The following NCALD variants were observed in gnomAD, a reference collection of about 807,000 sequenced individuals.
NCALD encodes the protein neurocalcin delta, also known as neurocalcin-delta.
Under a neutral mutation model 18.6 loss-of-function variants are expected in NCALD, and 10 were observed. The observed-to-expected ratio is 0.54, with a 90% confidence interval of 0.33 to 0.91. NCALD has a LOEUF of 0.91. NCALD is among the 40% of genes least tolerant of loss of function. NCALD has a pLI of 0.03. For synonymous variants in NCALD, 88 were observed against 87.4 expected, an observed-to-expected ratio of 1.01 and a Z score of -0.04; for missense variants, 184 against 247.6, an observed-to-expected ratio of 0.74 and a Z score of 1.72.
chr8:101,797,772 T>C (rs1249679665), intron 4 of NCALD, among the ~76,000 whole-genome samples: 2 of 151,290 alleles, frequency 1.3e-5, no homozygotes, highest in East Asian at 1.9e-4. Context: ...GCCGAGATCA[T>C]GCCACTGCAC....
At chr8:101,820,272 C>T (rs1813667111) in intron 4 of NCALD, among the ~76,000 whole-genome samples, 1 of 152,182 alleles carries the variant, frequency 6.6e-6, no homozygotes, top group African/African-American at 2.4e-5. Context: ...AAACCAGGGA[C>T]TTTGCCTATT....
intron 3 of NCALD, among the ~76,000 whole-genome samples, chr8:101,894,639 G>T (rs1320054280): frequency 6.7e-6 from 1 of 148,564 alleles, no homozygotes; most frequent in Non-Finnish European, 1.5e-5. Flanking sequence ...GAAAAAAAGA[G>T]AGAAGAATCA....
At chr8:101,915,725 A>T (rs1006391368) in intron 3 of NCALD, 2 of 152,174 alleles carry the variant, frequency 1.3e-5, no homozygotes, top group African/African-American at 4.8e-5. Context: ...AAACATTTGA[A>T]CAGAACTGTC....
rs760982571 is a variant in NCALD, at chr8:101,719,454, C to T, written c.176G>A (p.Gly59Glu). ...KKIYGNFFPY[G>E]DASKFAEHVF... is the part of the protein sequence containing the mutation. ...ATGCTCTGCAAATTTGGAAGCATCCCCATAAGGGAAAAAGTTCCCATATAT... is the reference window on the plus strand; with the variant it reads ...ATGCTCTGCAAATTTGGAAGCATCCTCATAAGGGAAAAAGTTCCCATATAT... The change falls in exon 2 of 4, where the codon GGG becomes GAG. Residue 59 changes from glycine (G) to glutamate (E), a missense_variant. By Grantham distance (98) the Gly-to-Glu change is moderately conservative. Transcript: ENST00000220931. 4 of 1,614,174 alleles carry T rather than the reference C, an allele frequency of 2.5e-6. 1 individual carries two copies. In the South Asian group the frequency reaches 3.3e-5, roughly 13 times the overall value.
intron 1 of NCALD, among the ~76,000 whole-genome samples, chr8:102,036,052 G>A (rs1259432088): frequency 6.6e-6 from 1 of 152,044 alleles, no homozygotes; most frequent in African/African-American, 2.4e-5. Context: ...ACTTTGGGAG[G>A]CTAAGGTAGG....
At chr8:101,701,068 T>C (rs7003410) in intron 2 of NCALD, among the ~76,000 whole-genome samples, 142,343 of 152,266 alleles carry the variant, frequency 0.93, 66,629 homozygotes, top group South Asian at 0.98. Flanking sequence ...GAGCAGAGAG[T>C]CGAGGTGACG....
chr8:101,879,947 C>G (rs1816411198), intron 4 of NCALD, among the ~76,000 whole-genome samples: 1 of 152,190 alleles, frequency 6.6e-6, no homozygotes, highest in Non-Finnish European at 1.5e-5. Context: ...GGCCGCAGGG[C>G]AGAGCTGCCT....
At chr8:101,811,655 G>C (rs1813309341) in intron 4 of NCALD, among the ~76,000 whole-genome samples, 1 of 152,212 alleles carries the variant, frequency 6.6e-6, no homozygotes, top group Non-Finnish European at 1.5e-5. Context: ...AAATGGGAGA[G>C]AGTTTAAGTA....
intron 4 of NCALD, among the ~76,000 whole-genome samples, chr8:101,843,000 C>T (rs1159156734): frequency 6.6e-6 from 1 of 152,168 alleles, no homozygotes; most frequent in African/African-American, 2.4e-5. Flanking sequence ...TGTACACAGC[C>T]ATCCCCATGG....
intron 4 of NCALD, among the ~76,000 whole-genome samples, chr8:101,874,183 T>C (rs1195075787): frequency 6.6e-6 from 1 of 152,212 alleles, no homozygotes; most frequent in Non-Finnish European, 1.5e-5. Flanking sequence ...GGGGAGATTG[T>C]GTCAGAACTT....
At chr8:102,119,726 T>C (rs1228831391) in intron 1 of NCALD, among the ~76,000 whole-genome samples, 1 of 152,216 alleles carries the variant, frequency 6.6e-6, no homozygotes, top group African/African-American at 2.4e-5. Context: ...CACATTCCCC[T>C]ACCTGCTCCA....
chr8:101,915,638 T>C (rs1213357488), intron 3 of NCALD: 1 of 152,234 alleles, frequency 6.6e-6, no homozygotes, highest in African/African-American at 2.4e-5. Flanking sequence ...ATTTATCATT[T>C]CCATAAATTT....
Position 101,689,128 on chromosome 8 carries a change from G to A in NCALD, c.*181C>T, listed in dbSNP as rs1042649063. 20 of 708,626 alleles carry A rather than the reference G, an allele frequency of 2.8e-5. No individual in the cohort carries two copies. In the East Asian group the frequency reaches 5.4e-4, roughly 19 times the overall value. 43.9% of individuals were successfully genotyped at this position (708,626 alleles called of 1,614,324 possible). On this transcript the variant is annotated 3_prime_UTR_variant, in exon 4 of 4. Coordinates refer to ENST00000220931, the MANE Select transcript of NCALD (RefSeq NM_032041.3). This position sits in a 1 kb window ranked among gnomAD's most constrained non-coding sequence, Gnocchi z 4.4. ...CTCCACAAGCACACTGGGGCTCTGG[G>A]CATTCCCACGAAGCATCCACGACAA...
intron 4 of NCALD, among the ~76,000 whole-genome samples, chr8:101,807,857 T>A (rs1440578266): frequency 6.6e-6 from 1 of 152,104 alleles, no homozygotes; most frequent in Non-Finnish European, 1.5e-5. Flanking sequence ...TGATAATCCA[T>A]GATTTAAATT....
rs548645758 is a variant in NCALD, at chr8:101,729,986, G to GA, written c.-19-10339dup. ...ATTACCAAAGTATTACATCATTATT[G>GA]AAAAAATCTAAGTAATAAAGGGATG... On this transcript the variant is annotated intron_variant, in intron 1 of 3. Coordinates refer to ENST00000220931, the MANE Select transcript of NCALD (RefSeq NM_032041.3). Among the ~76,000 whole-genome samples the GA allele has an allele frequency of 6.6e-4, 101 of 152,012 alleles. 3 individuals carry two copies. In the South Asian group the frequency reaches 0.019, roughly 29 times the overall value.
At chr8:101,768,380 G>T (rs1811436938) in intron 1 of NCALD, among the ~76,000 whole-genome samples, 1 of 75,734 alleles carries the variant, frequency 1.3e-5, no homozygotes, top group Non-Finnish European at 2.8e-5. Context: ...CTCCTTCAGA[G>T]TTGTAGGAGG....
chr8:102,101,408 C>T (rs1825277821), intron 1 of NCALD, among the ~76,000 whole-genome samples: 1 of 152,174 alleles, frequency 6.6e-6, no homozygotes, highest in Admixed American at 6.5e-5. Flanking sequence ...AGTGGACTAC[C>T]TGGTTTAGTG....
chr8:101,849,038 G>T (rs562572517), intron 4 of NCALD, among the ~76,000 whole-genome samples: 2 of 152,308 alleles, frequency 1.3e-5, no homozygotes, highest in East Asian at 1.9e-4. Context: ...AAAAAGGAAT[G>T]AGATTATGTC....
intron 4 of NCALD, among the ~76,000 whole-genome samples, chr8:101,861,154 G>C (rs1815526330): frequency 6.6e-6 from 1 of 152,066 alleles, no homozygotes; most frequent in Non-Finnish European, 1.5e-5. Flanking sequence ...GCCCAGAATG[G>C]TAAGATAGTA....
Sources: allele counts gnomAD v4.1 joint callset (sites outside exome capture counted in the v4.1 genomes callset), GRCh38; gene constraint gnomAD v4.1.1; non-coding constraint Gnocchi (gnomAD v3.1); transcripts MANE v1.5; gene names NCBI Gene and HGNC (gene_info 2026-07-23, HGNC 2026-07-21).